FAM111B: variants seen among roughly 807,000 people sequenced by gnomAD.
The protein encoded by FAM111B is FAM111 trypsin like peptidase B.
A neutral mutation model predicts 2.8 loss-of-function variants in FAM111B; 1 was observed. The observed-to-expected ratio is 0.36, with a 90% CI of 0.13 to 1.70. The LOEUF is 1.70. FAM111B is among the 40% of genes most tolerant of loss of function. The pLI is 0.35. For missense variants in FAM111B, 882 were observed against 878.9 expected (o/e 1.00, Z -0.04); for synonymous variants, 297 against 295.6 (o/e 1.00, Z -0.05).
chr11:59,107,934 G>T (rs1250856885), intron 1 of FAM111B, among the ~76,000 whole-genome samples: 1 of 152,208 alleles, frequency 6.6e-6, no homozygotes, highest in Non-Finnish European at 1.5e-5. Context: ...CTCTGTTTCT[G>T]TAAGCAAGCA....
chr11:59,125,070 C>G lies in FAM111B; in HGVS notation c.973C>G (p.Leu325Val), dbSNP rs866893889. Residue 325 changes from leucine (L) to valine (V), a missense_variant, in exon 4 of 4, where the codon CTC becomes GTC. By Grantham distance (32) the Leu-to-Val change is conservative (BLOSUM62 1). Transcript: ENST00000343597. ...KDVEHSREQI[L>V]PPQDLSHYIK... ...TGTAGAACACAGCAGAGAGCAAATT[C>G]TCCCACCTCAGGATCTAAGCCATTA... The G allele has an allele frequency of 1.9e-6, 3 of 1,613,316 alleles. No homozygotes were observed. The highest frequency in any genetic ancestry group is 2.2e-5 in the South Asian group (2 of 90,976).
chr11:59,124,584 A>G lies in FAM111B; in HGVS notation c.487A>G (p.Arg163Gly), dbSNP rs750147653. 6.2e-7 allele frequency: 1 copy of G among 1,613,796 alleles called. No individual in the cohort carries two copies. Among genetic ancestry groups the G allele is most frequent in the South Asian group, 1.1e-5 (1 of 91,034 alleles). Residue 163 changes from arginine (R) to glycine (G), a missense_variant, in exon 4 of 4, where the codon AGA becomes GGA. Physicochemically the swap from Arg to Gly is moderately radical, Grantham distance 125 (BLOSUM62 -2). Coordinates refer to ENST00000343597, the MANE Select transcript of FAM111B (RefSeq NM_198947.4). ...TCATTTTAAAATTACATTTGGTCAAAGAAAGAGTAGCAAAGAAGATGGACA... is the reference window on the plus strand; with the variant it reads ...TCATTTTAAAATTACATTTGGTCAAGGAAAGAGTAGCAAAGAAGATGGACA... ...DSHFKITFGQ[R>G]KSSKEDGHIL... is the part of the protein sequence containing the mutation.
In FAM111B at chr11:59,109,578, C is replaced by T; in HGVS notation, c.-48C>T. On this transcript the variant is annotated 5_prime_UTR_variant, in exon 3 of 4. Coordinates refer to ENST00000343597, the MANE Select transcript of FAM111B (RefSeq NM_198947.4). ...CAGAATAAATTCAATCCTTGTTTCT[C>T]CATCTTATCGAGTAGTAGAAGTTAG... is the stretch of plus-strand genomic sequence containing the variant. The T allele has an allele frequency of 7.8e-7, 1 of 1,274,558 alleles. No homozygotes were observed. The highest frequency in any genetic ancestry group is 1.1e-6 in the Non-Finnish European group (1 of 914,198). The allele number at this position is 1,274,558 out of a possible 1,614,324, so 79.0% of individuals were successfully genotyped here. A position where few individuals can be genotyped will look rare whatever the true frequency, so the allele number is the denominator to read the frequency against.
chr11:59,119,945 T>C (rs1003646307), intron 3 of FAM111B, among the ~76,000 whole-genome samples: 1 of 152,142 alleles, frequency 6.6e-6, no homozygotes, highest in Non-Finnish European at 1.5e-5. Flanking sequence ...AAAATATTTA[T>C]AGATAAAATA....
In FAM111B at chr11:59,126,334, A is replaced by C; in HGVS notation, c.*32A>C. 1 of 1,463,412 alleles carries C rather than the reference A, an allele frequency of 6.8e-7. No individual in the cohort carries two copies. The highest frequency in any genetic ancestry group is 9.1e-7 in the Non-Finnish European group (1 of 1,100,360). The allele number at this position is 1,463,412 out of a possible 1,614,324, so 90.7% of individuals were successfully genotyped here. ...GATGCTGTCTTCAAGAAAATATGCCAATAATTCCTGGCAAAGATTTCATGA... is the reference window on the plus strand; with the variant it reads ...GATGCTGTCTTCAAGAAAATATGCCCATAATTCCTGGCAAAGATTTCATGA... On this transcript the variant is annotated 3_prime_UTR_variant, in exon 4 of 4. Transcript: ENST00000343597.
chr11:59,120,313 T>C (rs987173008), intron 3 of FAM111B, among the ~76,000 whole-genome samples: 12 of 152,206 alleles, frequency 7.9e-5, no homozygotes, highest in Admixed American at 2.6e-4. Context: ...AATATCTTTG[T>C]ATTAGTTTGT....
chr11:59,124,763 A>G lies in FAM111B; in HGVS notation c.666A>G (p.Glu222=). The G allele has an allele frequency of 6.2e-7, 1 of 1,613,910 alleles. No individual in the cohort carries two copies. Among genetic ancestry groups the G allele is most frequent in the Non-Finnish European group, 8.5e-7 (1 of 1,179,828 alleles). ...CIYALKGETI[E]GALCKDGRFR... ...ATGCCTTGAAGGGTGAGACTATTGA[A>G]GGAGCCTTATGCAAGGATGGCCGTT... The change falls in exon 4 of 4, where the codon GAA becomes GAG. Residue 222 remains glutamate (E), a synonymous_variant. Transcript: ENST00000343597.
chr11:59,110,870 A>G (rs1859747476), intron 3 of FAM111B, among the ~76,000 whole-genome samples: 1 of 152,212 alleles, frequency 6.6e-6, no homozygotes, highest in Non-Finnish European at 1.5e-5. Flanking sequence ...TGTTTTCTAT[A>G]CTGGTAAGGT....
chr11:59,124,112 CATT>C (rs2135403485), intron 3 of FAM111B, 64 bp from the exon 4 acceptor site: 1 of 1,101,652 alleles, frequency 9.1e-7, no homozygotes, highest in African/African-American at 1.6e-5. Flanking sequence ...TTAGTTCTAT[CATT>C]AGAAAAATAT....
At chr11:59,124,044 A>T (rs1415383644) in intron 3 of FAM111B, 135 bp from the exon 4 acceptor site, 1 of 544,348 alleles carries the variant, frequency 1.8e-6, no homozygotes, top group Non-Finnish European at 3.0e-6. Flanking sequence ...ATAGTGATTG[A>T]TTTTTTCTCC....
At chr11:59,119,912 TATC>T (rs1859895400) in intron 3 of FAM111B, among the ~76,000 whole-genome samples, 1 of 152,198 alleles carries the variant, frequency 6.6e-6, no homozygotes, top group African/African-American at 2.4e-5. Context: ...CCACAGATGG[TATC>T]ATATCTATTT....
chr11:59,109,189 C>T (rs1303649423), intron 2 of FAM111B, among the ~76,000 whole-genome samples: 10 of 152,166 alleles, frequency 6.6e-5, no homozygotes, highest in African/African-American at 1.9e-4. Flanking sequence ...TCAACAGTTT[C>T]GTTCCACTCA....
At chr11:59,110,173 A>C (rs781166021) in intron 3 of FAM111B, among the ~76,000 whole-genome samples, 1 of 152,202 alleles carries the variant, frequency 6.6e-6, no homozygotes, top group Non-Finnish European at 1.5e-5. Context: ...CTAGTCCATC[A>C]GACTGCAGAG....
intron 3 of FAM111B, among the ~76,000 whole-genome samples, chr11:59,117,731 C>T (rs950828946): frequency 6.6e-6 from 1 of 152,174 alleles, no homozygotes; most frequent in Non-Finnish European, 1.5e-5. Context: ...TCAAGGAATC[C>T]GCACCCCAGG....
At chr11:59,117,154 C>T (rs796508508) in intron 3 of FAM111B, among the ~76,000 whole-genome samples, 3 of 152,232 alleles carry the variant, frequency 2.0e-5, no homozygotes, top group African/African-American at 4.8e-5. Context: ...TTTCATTTAC[C>T]CTATTTAGTT....
chr11:59,121,304 A>G (rs1244024056), intron 3 of FAM111B, among the ~76,000 whole-genome samples: 1 of 152,216 alleles, frequency 6.6e-6, no homozygotes, highest in Non-Finnish European at 1.5e-5. Context: ...AAAATGAACA[A>G]AAGACATAAA....
At chr11:59,110,485 A>G (rs1859741407) in intron 3 of FAM111B, among the ~76,000 whole-genome samples, 1 of 152,170 alleles carries the variant, frequency 6.6e-6, no homozygotes, top group Non-Finnish European at 1.5e-5. Flanking sequence ...ATGGGTGCCT[A>G]TAGTTAATAA....
At chr11:59,110,773 C>T (rs961833590) in intron 3 of FAM111B, among the ~76,000 whole-genome samples, 4 of 152,176 alleles carry the variant, frequency 2.6e-5, no homozygotes, top group South Asian at 2.1e-4. Context: ...TAAGTAAAGT[C>T]GTGTACACAG....
chr11:59,120,256 A>G (rs1430325598), intron 3 of FAM111B, among the ~76,000 whole-genome samples: 1 of 152,236 alleles, frequency 6.6e-6, no homozygotes, highest in Non-Finnish European at 1.5e-5. Context: ...TACCATTGGA[A>G]TAGAACAGAG....
Sources: gnomAD v4.1 joint callset for allele counts (sites outside exome capture counted in the v4.1 genomes callset) on GRCh38, gnomAD v4.1.1 for gene constraint, MANE v1.5 for transcripts, NCBI Gene and HGNC (gene_info 2026-07-23, HGNC 2026-07-21) for gene names.